The following ZNF469 variants were observed in gnomAD, a reference collection of about 807,000 sequenced individuals.
ZNF469 encodes the protein zinc finger protein 469.
In ZNF469, 1 loss-of-function variant was observed where a neutral mutation model predicts 1.0. The ratio of observed to expected loss-of-function variants is 1.00; its 90% CI spans 0.35 to 4.73. ZNF469 has a LOEUF of 4.73. ZNF469 is among the 30% of genes most tolerant of loss of function. The probability of loss-of-function intolerance (pLI) is 0.16; values close to 1 mark genes in which losing one functional copy is unlikely to be tolerated. For synonymous variants in ZNF469, 2,703 were observed against 2,363.4 expected (o/e 1.14, Z -4.17); for missense variants, 6,100 against 5,356.3 (o/e 1.14, Z -4.33).
intron 1 of ZNF469, among the ~76,000 whole-genome samples, chr16:88,414,390 G>A (rs1254939499): frequency 6.6e-6 from 1 of 152,244 alleles, no homozygotes; most frequent in Admixed American, 6.5e-5. Flanking sequence ...GGCACCTGGA[G>A]GAGGCCACAG....
rs1256510838 is a variant in ZNF469, at chr16:88,433,890, C to T, written c.6420C>T (p.Ser2140=). The change falls in exon 3 of 3, where the codon TCC becomes TCT. Residue 2140 remains serine, a synonymous_variant. Transcript: ENST00000565624. The part of the protein sequence containing the change: ...LPREDPLTSP[S]RAQGGLGGQL... ...GTGAAGACCCACTTACCTCGCCTTCCAGGGCCCAAGGTGGGCTGGGGGGGC... is the reference window on the plus strand; with the variant it reads ...GTGAAGACCCACTTACCTCGCCTTCTAGGGCCCAAGGTGGGCTGGGGGGGC... The T allele has an allele frequency of 1.9e-6, 3 of 1,548,662 alleles. No individual in the cohort carries two copies. The highest frequency in any genetic ancestry group is 3.9e-5 in the Admixed American group (2 of 50,960).
chr16:88,395,238 G>GATGA (rs1394793914), intron 1 of ZNF469, among the ~76,000 whole-genome samples: 1 of 9,312 alleles, frequency 1.1e-4, no homozygotes, highest in African/African-American at 1.3e-3. Context: ...TGGATGGGTA[G>GATGA]ATGGATGGAT....
chr16:88,365,197 C>G, the ZNF469 span, among the ~76,000 whole-genome samples: 3 of 152,158 alleles, frequency 2.0e-5, no homozygotes, highest in East Asian at 5.8e-4. Context: ...CATCAATTTT[C>G]CTGTCTGCAG....
chr16:88,361,122 G>C, the ZNF469 span, among the ~76,000 whole-genome samples: 1 of 152,150 alleles, frequency 6.6e-6, no homozygotes. Context: ...TCAGGCATTA[G>C]ATTCTCATAA....
chr16:88,236,179 G>A, the ZNF469 span, among the ~76,000 whole-genome samples: 1 of 152,222 alleles, frequency 6.6e-6, no homozygotes, highest in Non-Finnish European at 1.5e-5. Context: ...TAGATGCTAA[G>A]CCCATCTCTC....
the ZNF469 span, among the ~76,000 whole-genome samples, chr16:88,349,118 C>G: frequency 1.3e-5 from 2 of 152,120 alleles, no homozygotes; most frequent in Admixed American, 1.3e-4. Context: ...TTCCAGCAAC[C>G]TGGAAAAAGA....
the ZNF469 span, among the ~76,000 whole-genome samples, chr16:88,207,651 C>T: frequency 6.6e-6 from 1 of 151,076 alleles, no homozygotes; most frequent in South Asian, 2.1e-4. Context: ...AAGGTGTCGA[C>T]GGGGCCGCCC....
At chr16:88,200,085 G>C in the ZNF469 span, among the ~76,000 whole-genome samples, 504 of 151,970 alleles carry the variant, frequency 3.3e-3, 3 homozygotes, top group African/African-American at 0.011. Context: ...TCGTGCCCCG[G>C]GGGGAGGATG....
chr16:88,236,240 G>A, the ZNF469 span, among the ~76,000 whole-genome samples: 2 of 152,366 alleles, frequency 1.3e-5, no homozygotes, highest in South Asian at 4.1e-4. Flanking sequence ...ACAGAATGTG[G>A]ATTTTCCCCA....
At chr16:88,196,640 T>A in the ZNF469 span, among the ~76,000 whole-genome samples, 1 of 152,132 alleles carries the variant, frequency 6.6e-6, no homozygotes, top group Non-Finnish European at 1.5e-5. Context: ...GGCCTACAGG[T>A]TGGCTGCTGT....
At chr16:88,210,863 C>T in the ZNF469 span, among the ~76,000 whole-genome samples, 4 of 152,220 alleles carry the variant, frequency 2.6e-5, no homozygotes, top group Non-Finnish European at 4.4e-5. Flanking sequence ...GCCTCCTCCT[C>T]CACCCCCCAC....
the ZNF469 span, among the ~76,000 whole-genome samples, chr16:88,294,427 A>G: frequency 5.3e-5 from 8 of 152,322 alleles, no homozygotes; most frequent in African/African-American, 1.7e-4. Context: ...GGCCTTCCAC[A>G]TCATTGTGCA....
At chr16:88,117,965 C>T in the ZNF469 span, among the ~76,000 whole-genome samples, 14 of 152,202 alleles carry the variant, frequency 9.2e-5, no homozygotes, top group Non-Finnish European at 1.2e-4. Flanking sequence ...TTTTTTGAGA[C>T]GGAGTCTCGC....
chr16:88,399,742 G>T (rs1904800495), intron 1 of ZNF469, among the ~76,000 whole-genome samples: 1 of 152,258 alleles, frequency 6.6e-6, no homozygotes, highest in African/African-American at 2.4e-5. Context: ...AACCAGCTGT[G>T]CACCCCTCTC....
the ZNF469 span, among the ~76,000 whole-genome samples, chr16:88,208,812 CTCT>C: frequency 2.7e-5 from 1 of 37,114 alleles, no homozygotes; most frequent in Non-Finnish European, 8.4e-5. Flanking sequence ...CACTCTCTCT[CTCT>C]CTCTCTCTCT....
At chr16:88,318,723 T>A in the ZNF469 span, among the ~76,000 whole-genome samples, 1 of 152,242 alleles carries the variant, frequency 6.6e-6, no homozygotes, top group South Asian at 2.1e-4. Context: ...GGGAGGAGTC[T>A]GAGATCTTGG....
the ZNF469 span, among the ~76,000 whole-genome samples, chr16:88,255,129 T>C: frequency 6.6e-6 from 1 of 152,200 alleles, no homozygotes; most frequent in African/African-American, 2.4e-5. Context: ...AAATAAAAAA[T>C]CTTGGACAAT....
At chr16:88,422,360 G>A (rs1382078434) in intron 1 of ZNF469, among the ~76,000 whole-genome samples, 5 of 145,922 alleles carry the variant, frequency 3.4e-5, no homozygotes, top group South Asian at 4.6e-4. Context: ...TGGATGGGGG[G>A]ATGAATGGGT....
chr16:88,228,955 A>C, the ZNF469 span, among the ~76,000 whole-genome samples: 27 of 152,196 alleles, frequency 1.8e-4, no homozygotes, highest in Non-Finnish European at 2.8e-4. Context: ...GGAGGGAGGC[A>C]CAGCAGCCGG....
Sources: allele counts gnomAD v4.1 joint callset (sites outside exome capture counted in the v4.1 genomes callset), GRCh38; gene constraint gnomAD v4.1.1; transcripts MANE v1.5; gene names NCBI Gene and HGNC (gene_info 2026-07-23, HGNC 2026-07-21).